TEX11: variants seen among roughly 807,000 people sequenced by gnomAD.
TEX11 encodes the protein testis expressed 11.
A neutral mutation model predicts 84.4 loss-of-function variants in TEX11; 7 were observed. The observed-to-expected ratio is 0.08, with a 90% CI of 0.05 to 0.16. The LOEUF (loss-of-function observed/expected upper bound fraction) is 0.16, where lower values mean the gene tolerates loss of function less well. Ranked by LOEUF, TEX11 falls within the 10% of genes least tolerant of loss-of-function variation. The pLI is 1.00. For missense variants in TEX11, 551 were observed against 660.5 expected (o/e 0.83, Z 1.82); for synonymous variants, 264 against 222.8 (o/e 1.18, Z -1.64).
intron 17 of TEX11, among the ~76,000 whole-genome samples, chrX:70,634,385 A>T (rs2089545253): frequency 8.9e-6 from 1 of 112,243 alleles, no homozygotes; most frequent in African/African-American, 3.2e-5. Context: ...ATGGATATAC[A>T]AAGGCCTTGG....
chrX:70,704,517 T>C (rs983242816), intron 13 of TEX11, among the ~76,000 whole-genome samples: 1 of 111,434 alleles, frequency 9.0e-6, no homozygotes, highest in Non-Finnish European at 1.9e-5. Flanking sequence ...CTCGAAATCA[T>C]TATTCTTTTT....
At position 70,848,738 on chromosome X, in the gene TEX11, ACCAAAGTCCTTGATATAATAGAGAAAG is replaced by A. The variant is rs1196713376; in HGVS notation, c.525+4269_525+4295del. ...TTTTAACTACTAGGAAAGATGGTGA[ACCAAAGTCCTTGATATAATAGAGAAAG>A]CTGGCTTTCACTTGGCTTGTATCTC... On this transcript the variant is annotated intron_variant, in intron 7 of 29. Transcript: ENST00000374333. Among the ~76,000 whole-genome samples the A allele has an allele frequency of 1.2e-3, 136 of 111,913 alleles. 1 individual carries two copies. The highest frequency in any genetic ancestry group is 4.2e-3 in the African/African-American group (130 of 30,910).
chrX:70,905,959 A>G (rs1436885416), intron 2 of TEX11, among the ~76,000 whole-genome samples: 1 of 97,105 alleles, frequency 1.0e-5, no homozygotes, highest in African/African-American at 3.7e-5. Context: ...AGGCTGAGGC[A>G]GGAGAATCGC....
At chrX:70,556,163 G>A (rs1336072715) in intron 25 of TEX11, among the ~76,000 whole-genome samples, 1 of 110,922 alleles carries the variant, frequency 9.0e-6, no homozygotes, top group Non-Finnish European at 1.9e-5. Flanking sequence ...TTGCTTGATT[G>A]GGTTTAATTT....
At chrX:70,640,667 C>A (rs1265889858) in intron 17 of TEX11, among the ~76,000 whole-genome samples, 1 of 107,908 alleles carries the variant, frequency 9.3e-6, no homozygotes, top group Non-Finnish European at 1.9e-5. Context: ...TCCAGCCAAA[C>A]TAAGCTTCAT....
chrX:70,679,847 G>C (rs1187533862), intron 14 of TEX11, among the ~76,000 whole-genome samples: 1 of 90,605 alleles, frequency 1.1e-5, no homozygotes, highest in Non-Finnish European at 2.2e-5. Flanking sequence ...TCAGCCCCCC[G>C]CCCGGCCAGC....
chrX:70,905,777 C>T (rs2091825690), intron 2 of TEX11, among the ~76,000 whole-genome samples: 1 of 108,547 alleles, frequency 9.2e-6, no homozygotes, highest in Non-Finnish European at 1.9e-5. Flanking sequence ...CACAGCCTGG[C>T]ACAGTGACTC....
intron 9 of TEX11, among the ~76,000 whole-genome samples, chrX:70,744,595 TTACTGCATTAAATTATTATAATACA>T (rs1328510868): frequency 9.1e-6 from 1 of 110,275 alleles, no homozygotes; most frequent in African/African-American, 3.3e-5. Context: ...TATATATAAT[TTACTGCATTAAATTATTATAATACA>T]TACTGCATTA....
At chrX:70,833,657 T>C in intron 7 of TEX11, 64 bp from the exon 8 acceptor site, 5 of 902,557 alleles carry the variant, frequency 5.5e-6, no homozygotes, top group Non-Finnish European at 7.9e-6. Context: ...TCTAAGTCAA[T>C]TTTAGCATAT....
At chrX:70,837,324 A>G (rs2091411421) in intron 7 of TEX11, among the ~76,000 whole-genome samples, 1 of 111,254 alleles carries the variant, frequency 9.0e-6, no homozygotes, top group Non-Finnish European at 1.9e-5. Flanking sequence ...TTTGATAGGC[A>G]GAGGTGGGTG....
chrX:70,897,664 GAAAACAAAGA>G (rs2091778051), intron 2 of TEX11: 44 of 66,969 alleles, frequency 6.6e-4, no homozygotes, highest in East Asian at 2.7e-3. Context: ...AGGAAGGAAG[GAAAACAAAGA>G]AAGAAAAAGA....
At chrX:70,686,308 C>G (rs1331180998) in intron 13 of TEX11, among the ~76,000 whole-genome samples, 1 of 111,848 alleles carries the variant, frequency 8.9e-6, no homozygotes, top group African/African-American at 3.2e-5. Flanking sequence ...CAATGATAGA[C>G]TGGATAAAGA....
chrX:70,554,592 A>T, intron 26 of TEX11, 59 bp downstream of exon 26: 1 of 1,074,116 alleles, frequency 9.3e-7, no homozygotes, highest in East Asian at 3.3e-5. Context: ...AAGAGAAGAA[A>T]AAAAGTCATA....
chrX:70,604,678 G>A (rs1349489489), intron 24 of TEX11, among the ~76,000 whole-genome samples: 1 of 111,349 alleles, frequency 9.0e-6, no homozygotes, highest in African/African-American at 3.3e-5. Context: ...AAGGTGACAA[G>A]TATGGGAGAT....
At chrX:70,808,321 G>C (rs1322249129) in intron 8 of TEX11, among the ~76,000 whole-genome samples, 1 of 106,413 alleles carries the variant, frequency 9.4e-6, no homozygotes, top group African/African-American at 3.4e-5. Context: ...TGGCCAACAT[G>C]GTGAAACTCT....
At chrX:70,857,510 T>C (rs2091543242) in intron 5 of TEX11, 1 of 249,292 alleles carries the variant, frequency 4.0e-6, no homozygotes, top group Non-Finnish European at 7.7e-6. Flanking sequence ...ATTAAGACTC[T>C]GGACCACAGG....
intron 13 of TEX11, among the ~76,000 whole-genome samples, chrX:70,691,078 A>T (rs914413214): frequency 8.9e-6 from 1 of 112,211 alleles, no homozygotes; most frequent in African/African-American, 3.2e-5. Context: ...AAAAGATATT[A>T]AAAAGATGCT....
In TEX11 at chrX:70,823,588, G is replaced by A. The variant is rs1306238391; in HGVS notation, c.606+9925C>T. Among the ~76,000 whole-genome samples, 3 of 111,013 alleles carry A rather than the reference G, an allele frequency of 2.7e-5. No individual in the cohort carries two copies. The Admixed American group carries it at 2.9e-4, about 11-fold the overall frequency. On this transcript the variant is annotated intron_variant, in intron 8 of 29. Transcript: ENST00000374333. ...TATTTCAAAAAAAAGACAAGTTCAGGCCGGAAACTGAAAGGACACAAATAG... is the reference window on the plus strand; with the variant it reads ...TATTTCAAAAAAAAGACAAGTTCAGACCGGAAACTGAAAGGACACAAATAG...
intron 25 of TEX11, among the ~76,000 whole-genome samples, chrX:70,564,065 C>T (rs1263995322): frequency 1.8e-5 from 2 of 111,828 alleles, no homozygotes; most frequent in Non-Finnish European, 3.8e-5. Flanking sequence ...CCCATCTCTA[C>T]TAAAAATACA....
Sources: gnomAD v4.1 joint callset for allele counts (sites outside exome capture counted in the v4.1 genomes callset) on GRCh38, gnomAD v4.1.1 for gene constraint, MANE v1.5 for transcripts, NCBI Gene and HGNC (gene_info 2026-07-23, HGNC 2026-07-21) for gene names.